Variants in PTPRM observed in about 807,000 individuals in gnomAD.
PTPRM encodes receptor-type tyrosine-protein phosphatase mu.
PTPRM carries 47 observed loss-of-function variants against 186.7 expected under a neutral mutation model. The ratio of observed to expected loss-of-function variants is 0.25; its 90% CI spans 0.20 to 0.32. The LOEUF (loss-of-function observed/expected upper bound fraction) is 0.32, where lower values mean the gene tolerates loss of function less well. Among genes scored for constraint, PTPRM ranks in the 10% least tolerant of loss-of-function variants. PTPRM has a pLI of 1.00. For missense variants in PTPRM, 1,494 were observed against 1,865.0 expected, an observed-to-expected ratio of 0.80 and a Z score of 3.66; for synonymous variants, 668 against 674.9, an observed-to-expected ratio of 0.99 and a Z score of 0.16.
intron 20 of PTPRM, among the ~76,000 whole-genome samples, chr18:8,304,337 T>C (rs2095195307): frequency 1.3e-5 from 2 of 152,286 alleles, no homozygotes; most frequent in South Asian, 2.1e-4. Context: ...AAATCTCGCA[T>C]CACCCCAGTC....
intron 2 of PTPRM, among the ~76,000 whole-genome samples, chr18:7,775,865 T>G (rs981960001): frequency 6.6e-6 from 1 of 152,244 alleles, no homozygotes; most frequent in African/African-American, 2.4e-5. Flanking sequence ...CCTTGATAAA[T>G]GAGGCCAAAT....
chr18:8,208,883 G>A (rs949426417), intron 14 of PTPRM, among the ~76,000 whole-genome samples: 14 of 152,182 alleles, frequency 9.2e-5, no homozygotes, highest in South Asian at 6.2e-4. Flanking sequence ...AAAGAAATTC[G>A]AGGCAGAGGG....
chr18:8,118,244 C>T (rs1489155579), intron 13 of PTPRM, among the ~76,000 whole-genome samples: 1 of 152,142 alleles, frequency 6.6e-6, no homozygotes, highest in Non-Finnish European at 1.5e-5. Flanking sequence ...GCATGTTTGT[C>T]CTTGGCAGTA....
At chr18:7,573,375 T>C (rs1052128097) in intron 1 of PTPRM, among the ~76,000 whole-genome samples, 39 of 152,112 alleles carry the variant, frequency 2.6e-4, no homozygotes, top group African/African-American at 8.5e-4. Context: ...CCAGTGTTGA[T>C]GGTGAGCTAG....
At chr18:8,373,683 G>T (rs1480784068) in intron 24 of PTPRM, among the ~76,000 whole-genome samples, 1 of 152,148 alleles carries the variant, frequency 6.6e-6, no homozygotes, top group Non-Finnish European at 1.5e-5. Context: ...TATTTCTTAA[G>T]CACCCACTTC....
chr18:7,889,239 C>A (rs1422871836), intron 3 of PTPRM, among the ~76,000 whole-genome samples: 1 of 151,914 alleles, frequency 6.6e-6, no homozygotes, highest in African/African-American at 2.4e-5. Flanking sequence ...TTGTTTATGC[C>A]TGGCATGTAT....
chr18:8,076,141 G>A lies in PTPRM; in HGVS notation c.1442-314G>A, dbSNP rs538508145. Among the ~76,000 whole-genome samples, 12 of 152,192 alleles carry A rather than the reference G, an allele frequency of 7.9e-5. No individual in the cohort carries two copies. In the East Asian group the frequency reaches 2.1e-3, roughly 27 times the overall value. ...CTCTACCAGTTTACACTTCCACAAG[G>A]AGTATGTGAGAATTCTCATCACTTG... is the stretch of plus-strand genomic sequence containing the variant. On this transcript the variant is annotated intron_variant, in intron 8 of 32. Transcript: ENST00000580170.
At chr18:7,718,664 C>G (rs2040389128) in intron 1 of PTPRM, among the ~76,000 whole-genome samples, 1 of 152,170 alleles carries the variant, frequency 6.6e-6, no homozygotes, top group Non-Finnish European at 1.5e-5. Flanking sequence ...AACTGTGCAT[C>G]TGACAAAGGA....
chr18:8,070,572 C>T (rs1568290192), intron 8 of PTPRM, among the ~76,000 whole-genome samples: 1 of 152,126 alleles, frequency 6.6e-6, no homozygotes, highest in Non-Finnish European at 1.5e-5. Context: ...ATAAACCATG[C>T]ATGTCACCAG....
chr18:8,042,551 T>A (rs1158219249), intron 7 of PTPRM, among the ~76,000 whole-genome samples: 1 of 152,176 alleles, frequency 6.6e-6, no homozygotes, highest in African/African-American at 2.4e-5. Flanking sequence ...TCTATTCTTT[T>A]TAAATGCTTT....
chr18:7,845,537 T>G (rs1023212636), intron 2 of PTPRM, among the ~76,000 whole-genome samples: 1 of 152,172 alleles, frequency 6.6e-6, no homozygotes, highest in Non-Finnish European at 1.5e-5. Flanking sequence ...ATTGTAAAAA[T>G]TTTTCGATAC....
rs1292953895 is a variant in PTPRM at position 7,796,497 on chromosome 18, G to A, written c.196+22226G>A. ...AGCCAATTCATTCTGGGAGAGCAGC[G>A]TGAGAGCTCACCTCACTCCACAGCA... On this transcript the variant is annotated intron_variant, in intron 2 of 32. Transcript: ENST00000580170. Among the ~76,000 whole-genome samples, 10 of 152,212 alleles carry A rather than the reference G, an allele frequency of 6.6e-5. No individual in the cohort carries two copies. In the East Asian group the frequency reaches 7.7e-4, roughly 12 times the overall value.
At chr18:8,040,221 A>G (rs1286218601) in intron 7 of PTPRM, among the ~76,000 whole-genome samples, 1 of 152,114 alleles carries the variant, frequency 6.6e-6, no homozygotes, top group Non-Finnish European at 1.5e-5. Context: ...TCTACCACAT[A>G]TCTATGCTTG....
Position 7,632,277 on chromosome 18 carries a change from T to C in PTPRM, c.73+64386T>C, listed in dbSNP as rs78544152. On this transcript the variant is annotated intron_variant, in intron 1 of 32. Transcript: ENST00000580170. ...CTGTGTTTCTAGCAGTGCTCTACTC[T>C]AGACATTTTATATGTAAAGAAATGA... Among the ~76,000 whole-genome samples the C allele has an allele frequency of 1.2e-3, 189 of 152,348 alleles. 2 individuals carry two copies. The highest frequency in any genetic ancestry group is 4.3e-3 in the African/African-American group (179 of 41,578).
At chr18:8,243,064 G>A (rs972185835) in intron 14 of PTPRM, among the ~76,000 whole-genome samples, 1 of 152,142 alleles carries the variant, frequency 6.6e-6, no homozygotes, top group Admixed American at 6.5e-5. Flanking sequence ...TTCTCATCTT[G>A]TCTGTCTTGG....
intron 7 of PTPRM, among the ~76,000 whole-genome samples, chr18:8,024,735 G>C (rs1306644578): frequency 6.9e-6 from 1 of 144,718 alleles, no homozygotes; most frequent in Non-Finnish European, 1.5e-5. Flanking sequence ...CCAGGCTGGA[G>C]TACAATGGCA....
At chr18:7,665,002 T>C (rs1424736910) in intron 1 of PTPRM, among the ~76,000 whole-genome samples, 4 of 152,036 alleles carry the variant, frequency 2.6e-5, no homozygotes, top group Non-Finnish European at 5.9e-5. Context: ...AGACGAGAAG[T>C]ATGTATTGGA....
Position 8,376,071 on chromosome 18 carries a change from T to C in PTPRM, c.3197T>C (p.Ile1066Thr), listed in dbSNP as rs762435419. 43 of 1,612,994 alleles carry C rather than the reference T, an allele frequency of 2.7e-5. No individual in the cohort carries two copies. The highest frequency in any genetic ancestry group is 1.6e-4 in the Middle Eastern group (1 of 6,074). Residue 1066 changes from isoleucine (I) to threonine (T), a missense_variant, in exon 25 of 33, where the codon ATC becomes ACC. By Grantham distance (89) the Ile-to-Thr change is moderately conservative (BLOSUM62 -1). Coordinates refer to ENST00000580170, the MANE Select transcript of PTPRM (RefSeq NM_001105244.2). ...EKRGVHEIREIRQFHFTGWPD... is the reference protein window; with the variant it reads ...EKRGVHEIRETRQFHFTGWPD... ...AGAGGTGTGCATGAAATCCGAGAGA[T>C]CAGACAGTTTCACTTCACTGGCTGG...
At chr18:8,124,574 G>A (rs1350132301) in intron 13 of PTPRM, among the ~76,000 whole-genome samples, 1 of 152,162 alleles carries the variant, frequency 6.6e-6, no homozygotes, top group Non-Finnish European at 1.5e-5. Context: ...ACCTACATAA[G>A]TGCATACTCA....
Sources: allele counts gnomAD v4.1 joint callset (sites outside exome capture counted in the v4.1 genomes callset), GRCh38; gene constraint gnomAD v4.1.1; transcripts MANE v1.5; gene names NCBI Gene and HGNC (gene_info 2026-07-23, HGNC 2026-07-21).